ACACA: variants seen among roughly 807,000 people sequenced by gnomAD.
ACACA encodes the protein acetyl-CoA carboxylase 1.
In ACACA, 103 loss-of-function variants were observed where a neutral mutation model predicts 296.1. The ratio of observed to expected loss-of-function variants is 0.35; its 90% CI spans 0.30 to 0.41. The LOEUF (loss-of-function observed/expected upper bound fraction) is 0.41, where lower values mean the gene tolerates loss of function less well. Ranked by LOEUF, ACACA falls within the 10% of genes least tolerant of loss-of-function variation. The pLI, the probability that ACACA is intolerant of heterozygous loss-of-function variation, is 1.00. For missense variants in ACACA, 1,554 were observed against 2,989.7 expected (o/e 0.52, Z 11.20); for synonymous variants, 953 against 1,038.6 (o/e 0.92, Z 1.58).
chr17:37,208,118 G>A (rs1199613236), intron 30 of ACACA, among the ~76,000 whole-genome samples: 2 of 152,096 alleles, frequency 1.3e-5, no homozygotes, highest in African/African-American at 2.4e-5. Flanking sequence ...AGCACATAGG[G>A]GTTAAAAACC....
intron 46 of ACACA, 146 bp from the exon 47 acceptor site, chr17:37,129,631 C>T (rs555630385): frequency 1.4e-4 from 156 of 1,118,190 alleles, no homozygotes; most frequent in Middle Eastern, 8.5e-4. Flanking sequence ...AAGAATCCTA[C>T]GTATGTGCCA....
At chr17:37,296,908 A>T (rs1598426909) in intron 3 of ACACA, among the ~76,000 whole-genome samples, 1 of 146,536 alleles carries the variant, frequency 6.8e-6, no homozygotes, top group South Asian at 2.3e-4. Flanking sequence ...GTAGAGATGG[A>T]GTTTCGCCAT....
At chr17:37,163,292 G>A (rs2076541133) in intron 41 of ACACA, among the ~76,000 whole-genome samples, 2 of 147,896 alleles carry the variant, frequency 1.4e-5, no homozygotes, top group Admixed American at 6.9e-5. Context: ...ACCATGTCAT[G>A]TGCTGGGTCC....
chr17:37,160,706 T>C (rs1166727687), intron 42 of ACACA, among the ~76,000 whole-genome samples: 1 of 151,836 alleles, frequency 6.6e-6, no homozygotes, highest in African/African-American at 2.4e-5. Context: ...TTGAAGCAAG[T>C]TGAGAGAGAA....
At chr17:37,348,600 C>T (rs2048737337) in intron 1 of ACACA, among the ~76,000 whole-genome samples, 2 of 152,106 alleles carry the variant, frequency 1.3e-5, no homozygotes, top group Admixed American at 1.3e-4. Context: ...ATTGTGAGGA[C>T]AGGACATATT....
intron 45 of ACACA, among the ~76,000 whole-genome samples, chr17:37,132,054 T>A (rs944124038): frequency 1.1e-4 from 16 of 152,226 alleles, no homozygotes; most frequent in African/African-American, 3.9e-4. Flanking sequence ...ACTGATACAC[T>A]GATCTCTCGG....
chr17:37,232,083 G>T (rs2079886241), intron 25 of ACACA, among the ~76,000 whole-genome samples: 1 of 152,166 alleles, frequency 6.6e-6, no homozygotes, highest in Non-Finnish European at 1.5e-5. Context: ...GAGAGTCCAT[G>T]AGGCAAGTTA....
At chr17:37,352,566 A>T (rs1373015316) in intron 1 of ACACA, among the ~76,000 whole-genome samples, 1 of 151,958 alleles carries the variant, frequency 6.6e-6, no homozygotes, top group East Asian at 1.9e-4. Flanking sequence ...TAAGAAAAAA[A>T]AAAATAGCCA....
At chr17:37,117,698 G>A (rs1312512086) in intron 50 of ACACA, among the ~76,000 whole-genome samples, 1 of 151,244 alleles carries the variant, frequency 6.6e-6, no homozygotes, top group Non-Finnish European at 1.5e-5. Context: ...AGAGCTCATT[G>A]AAAAAAAGCA....
chr17:37,137,055 T>C (rs1018658460), intron 45 of ACACA, among the ~76,000 whole-genome samples: 2 of 152,244 alleles, frequency 1.3e-5, no homozygotes, highest in Admixed American at 6.5e-5. Flanking sequence ...TCTTTTCATG[T>C]GCTTATTTAC....
chr17:37,161,090 T>C (rs1158069275), intron 42 of ACACA, among the ~76,000 whole-genome samples: 1 of 152,166 alleles, frequency 6.6e-6, no homozygotes, highest in Non-Finnish European at 1.5e-5. Context: ...AATTATCACA[T>C]GACTATTAGT....
intron 45 of ACACA, among the ~76,000 whole-genome samples, chr17:37,142,739 CCT>C (rs1037241964): frequency 1.2e-4 from 19 of 152,138 alleles, no homozygotes; most frequent in Admixed American, 1.3e-4. Flanking sequence ...TATATACTAC[CCT>C]GTCACGACTG....
intron 14 of ACACA, among the ~76,000 whole-genome samples, chr17:37,255,078 G>A (rs1287004677): frequency 6.6e-6 from 1 of 151,680 alleles, no homozygotes; most frequent in East Asian, 1.9e-4. Flanking sequence ...TCCAGCTTGG[G>A]CGACAGAGCA....
chr17:37,248,742 T>C (rs2080838615), intron 16 of ACACA, 68 bp from the exon 17 acceptor site: 2 of 1,140,696 alleles, frequency 1.8e-6, no homozygotes, highest in African/African-American at 1.5e-5. Context: ...TAAAACATTA[T>C]TGATTGTAGC....
At chr17:37,175,343 A>C (rs1386813612) in intron 41 of ACACA, among the ~76,000 whole-genome samples, 1 of 152,246 alleles carries the variant, frequency 6.6e-6, no homozygotes, top group Non-Finnish European at 1.5e-5. Flanking sequence ...AACAGGATTT[A>C]GTGCGAAAAG....
At chr17:37,361,679 C>T (rs765732828) in intron 1 of ACACA, among the ~76,000 whole-genome samples, 27 of 152,194 alleles carry the variant, frequency 1.8e-4, no homozygotes, top group Non-Finnish European at 2.8e-4. Flanking sequence ...ACTGGAATTT[C>T]AGCAACCCCT....
Position 37,284,987 on chromosome 17 carries a change from G to C in ACACA, c.339-17C>G. The C allele has an allele frequency of 6.2e-7, 1 of 1,614,002 alleles. No homozygotes were observed. The highest frequency in any genetic ancestry group is 1.3e-5 in the African/African-American group (1 of 75,010). Reference sequence around the variant, plus strand: ...ATGCTGGACCTATAAAAATACAGAAGCCATAAAAACACCACCTATATTTTC... The same window carrying C: ...ATGCTGGACCTATAAAAATACAGAACCCATAAAAACACCACCTATATTTTC... On this transcript the variant is annotated splice_polypyrimidine_tract_variant and intron_variant, in intron 3 of 55. Transcript: ENST00000616317.
intron 1 of ACACA, among the ~76,000 whole-genome samples, chr17:37,396,791 AT>A (rs1427451477): frequency 6.6e-6 from 1 of 152,074 alleles, no homozygotes; most frequent in Non-Finnish European, 1.5e-5. Context: ...CATCCCACTG[AT>A]ACTCCACTCC....
At chr17:37,362,862 C>T (rs966127992) in intron 1 of ACACA, among the ~76,000 whole-genome samples, 1 of 151,606 alleles carries the variant, frequency 6.6e-6, no homozygotes, top group Non-Finnish European at 1.5e-5. Context: ...GTAGTCCCCG[C>T]TACTCCGGAG....
Sources: gnomAD v4.1 joint callset for allele counts (sites outside exome capture counted in the v4.1 genomes callset) on GRCh38, gnomAD v4.1.1 for gene constraint, MANE v1.5 for transcripts, NCBI Gene and HGNC (gene_info 2026-07-23, HGNC 2026-07-21) for gene names.